TGM3: variants seen among roughly 807,000 people sequenced by gnomAD.
TGM3 encodes protein-glutamine gamma-glutamyltransferase E.
TGM3 carries 52 observed loss-of-function variants against 73.8 expected under a neutral mutation model. That is an observed-to-expected ratio of 0.70 (90% confidence interval 0.56 to 0.89). TGM3 has a LOEUF of 0.89. TGM3 is among the 40% of genes least tolerant of loss of function. The pLI, the probability that TGM3 is intolerant of heterozygous loss-of-function variation, is 0.00. For missense variants in TGM3, 928 were observed against 909.9 expected (o/e 1.02, Z -0.26); for synonymous variants, 372 against 354.9 (o/e 1.05, Z -0.54).
At chr20:2,297,943 G>A (rs1049403504) in intron 1 of TGM3, among the ~76,000 whole-genome samples, 7 of 152,152 alleles carry the variant, frequency 4.6e-5, no homozygotes, top group African/African-American at 1.4e-4. Context: ...TAAGCTGCAT[G>A]ACAAATACAA....
At chr20:2,330,996 A>G (rs1321613626) in intron 9 of TGM3, among the ~76,000 whole-genome samples, 1 of 112,348 alleles carries the variant, frequency 8.9e-6, no homozygotes, top group African/African-American at 4.0e-5. Flanking sequence ...ACAGAGTGAG[A>G]CCCTGTCACA....
At chr20:2,309,008 G>T (rs528734433) in intron 1 of TGM3, among the ~76,000 whole-genome samples, 1 of 152,176 alleles carries the variant, frequency 6.6e-6, no homozygotes, top group South Asian at 2.1e-4. Context: ...CTCTTGAGTA[G>T]CTGGGATTAC....
chr20:2,296,250 C>G (rs1030916738), intron 1 of TGM3, among the ~76,000 whole-genome samples, 180 bp downstream of exon 1: 7 of 152,206 alleles, frequency 4.6e-5, no homozygotes, highest in Non-Finnish European at 8.8e-5. Flanking sequence ...GGTTGGGTCC[C>G]TCTAGCATAT....
rs1265379636 is a variant in TGM3, at chr20:2,332,151, G to C, written c.1483G>C (p.Val495Leu). 6.2e-7 allele frequency: 1 copy of C among 1,614,116 alleles called. No individual in the cohort carries two copies. Among genetic ancestry groups the C allele is most frequent in the African/African-American group, 1.3e-5 (1 of 74,940 alleles). ...GCTGAAGGTCGCTGGCATGCTGGCA[G>C]TAGGCAAAGAAGTCAACCTGGTCCT... ...GKLKVAGMLAVGKEVNLVLLL... is the reference protein window; with the variant it reads ...GKLKVAGMLALGKEVNLVLLL... Residue 495 changes from valine (V) to leucine (L), a missense_variant, in exon 10 of 13, where the codon GTA (valine) becomes CTA (leucine). By Grantham distance (32) the Val-to-Leu change is conservative. Transcript: ENST00000381458. The surrounding 1 kb of genome is among the most constrained non-coding windows in gnomAD (Gnocchi z 4.4).
At chr20:2,327,506 A>G (rs2084295174) in intron 8 of TGM3, among the ~76,000 whole-genome samples, 1 of 152,128 alleles carries the variant, frequency 6.6e-6, no homozygotes, top group Non-Finnish European at 1.5e-5. Flanking sequence ...CAAAAAAGAT[A>G]TAGTTAGACT....
intron 1 of TGM3, among the ~76,000 whole-genome samples, chr20:2,303,653 G>A (rs867781895): frequency 1.3e-5 from 2 of 152,138 alleles, no homozygotes; most frequent in East Asian, 1.9e-4. Flanking sequence ...CATGGCCACC[G>A]AGCCAGAGTG....
intron 1 of TGM3, among the ~76,000 whole-genome samples, chr20:2,301,766 T>C (rs1433304906): frequency 6.6e-6 from 1 of 151,950 alleles, no homozygotes; most frequent in African/African-American, 2.4e-5. Context: ...AGTGGTGAGA[T>C]CTCAGCCCAC....
At chr20:2,322,379 C>T (rs1431044674) in intron 7 of TGM3, among the ~76,000 whole-genome samples, 2 of 152,056 alleles carry the variant, frequency 1.3e-5, no homozygotes, top group Non-Finnish European at 2.9e-5. Context: ...CCACTTTTTC[C>T]CACACCTCGA....
In TGM3 at chr20:2,317,197, C is replaced by A. The variant is rs747984917; in HGVS notation, c.799C>A (p.Pro267Thr). 1 of 1,614,182 alleles carries A rather than the reference C, an allele frequency of 6.2e-7. No individual in the cohort carries two copies. Among genetic ancestry groups the A allele is most frequent in the Non-Finnish European group, 8.5e-7 (1 of 1,180,048 alleles). The change falls in exon 6 of 13, where the codon CCA becomes ACA. Residue 267 changes from proline (P) to threonine (T), a missense_variant. Physicochemically the swap from Pro to Thr is conservative, Grantham distance 38 (BLOSUM62 -1). Coordinates refer to ENST00000381458, the MANE Select transcript of TGM3 (RefSeq NM_003245.4). The part of the protein sequence containing the change: ...LKNWKKSGFS[P>T]VRYGQCWVFA... ...AAATTGGAAAAAATCTGGCTTCAGC[C>A]CAGTCCGATATGGCCAGTGCTGGGT...
intron 1 of TGM3, among the ~76,000 whole-genome samples, chr20:2,306,679 A>G (rs950983064): frequency 6.6e-6 from 1 of 151,832 alleles, no homozygotes; most frequent in African/African-American, 2.4e-5. Flanking sequence ...GTTTTGCCAT[A>G]TTGTCCAGGC....
At position 2,313,012 on chromosome 20, in the gene TGM3, G is replaced by A; in HGVS notation, c.655G>A (p.Val219Met). 2 of 1,614,160 alleles carry A rather than the reference G, an allele frequency of 1.2e-6. No homozygotes were observed. The highest frequency in any genetic ancestry group is 1.7e-6 in the Non-Finnish European group (2 of 1,180,018). ...SRNDPKYVGRVLSAMINSNDD... is the reference protein window; with the variant it reads ...SRNDPKYVGRMLSAMINSNDD... ...AAATGACCCCAAATACGTTGGCCGG[G>A]TGCTGAGTGCCATGGTGAGTAACAG... Residue 219 changes from valine to methionine, a missense_variant, in exon 5 of 13, where the codon GTG (valine) becomes ATG (methionine). Coordinates refer to ENST00000381458, the MANE Select transcript of TGM3 (RefSeq NM_003245.4).
intron 7 of TGM3, among the ~76,000 whole-genome samples, chr20:2,323,711 C>T (rs2084273001): frequency 6.6e-6 from 1 of 152,224 alleles, no homozygotes; most frequent in Admixed American, 6.5e-5. Flanking sequence ...TGGAAATGAG[C>T]ACCACAACGA....
chr20:2,309,262 A>C (rs2084190252), intron 1 of TGM3, among the ~76,000 whole-genome samples: 1 of 152,200 alleles, frequency 6.6e-6, no homozygotes, highest in African/African-American at 2.4e-5. Context: ...CTCTGGTGAC[A>C]TGTACTCCTC....
chr20:2,339,796 G>T, intron 11 of TGM3, 58 bp from the exon 12 acceptor site: 2 of 1,608,864 alleles, frequency 1.2e-6, no homozygotes, highest in Non-Finnish European at 8.5e-7. Context: ...CCCTCACCAA[G>T]GTGCAGGCAG....
intron 7 of TGM3, among the ~76,000 whole-genome samples, chr20:2,323,884 C>T (rs568220210): frequency 5.3e-5 from 8 of 152,144 alleles, no homozygotes; most frequent in South Asian, 2.1e-4. Flanking sequence ...ATTGCCTGCT[C>T]GTTGCTATTT....
intron 1 of TGM3, among the ~76,000 whole-genome samples, chr20:2,298,173 G>C (rs994564187): frequency 1.3e-5 from 2 of 152,156 alleles, no homozygotes; most frequent in Non-Finnish European, 2.9e-5. Context: ...TCTGTGTCCA[G>C]CTCCTAATTT....
At chr20:2,309,901 C>T (rs214805) in intron 2 of TGM3, 71 bp downstream of exon 2, 1,520,866 of 1,590,588 alleles carry the variant, frequency 0.96, 731,589 homozygotes, top group East Asian at 1. Context: ...CAAGGACTGA[C>T]GGGGACCACA....
At chr20:2,310,073 G>T (rs773072297) in intron 2 of TGM3, 105 bp from the exon 3 acceptor site, 8 of 1,514,250 alleles carry the variant, frequency 5.3e-6, no homozygotes, top group Admixed American at 1.8e-5. Context: ...AGAATATGGC[G>T]CTTCATTGGC....
At chr20:2,335,357 C>A in intron 11 of TGM3, 84 bp downstream of exon 11, 1 of 1,537,854 alleles carries the variant, frequency 6.5e-7, no homozygotes, top group Non-Finnish European at 8.9e-7. Context: ...CTGTGAGCCA[C>A]AGCTCTCCCA....
Sources: gnomAD v4.1 joint callset for allele counts (sites outside exome capture counted in the v4.1 genomes callset) on GRCh38, gnomAD v4.1.1 for gene constraint, Gnocchi (gnomAD v3.1) non-coding constraint, MANE v1.5 for transcripts, NCBI Gene and HGNC (gene_info 2026-07-23, HGNC 2026-07-21) for gene names.